Variants in OSBPL6 observed in about 807,000 individuals in gnomAD.
The protein encoded by OSBPL6 is oxysterol binding protein like 6, also known as oxysterol-binding protein-related protein 6.
In OSBPL6, 49 loss-of-function variants were observed where a neutral mutation model predicts 125.8. The observed-to-expected ratio is 0.39, with a 90% CI of 0.31 to 0.49. OSBPL6 has a LOEUF of 0.49. Among genes scored for constraint, OSBPL6 ranks in the 20% least tolerant of loss-of-function variants. The probability of loss-of-function intolerance (pLI) is 0.88; values close to 1 mark genes in which losing one functional copy is unlikely to be tolerated. For missense variants in OSBPL6, 986 were observed against 1,135.4 expected (o/e 0.87, Z 1.89); for synonymous variants, 394 against 391.8 (o/e 1.01, Z -0.07).
At chr2:178,380,955 G>T (rs1206524083) in intron 15 of OSBPL6, among the ~76,000 whole-genome samples, 2 of 152,190 alleles carry the variant, frequency 1.3e-5, no homozygotes, top group Non-Finnish European at 2.9e-5. Context: ...GAAATTGGAG[G>T]ATAATACTCA....
chr2:178,306,994 T>C (rs1333066018), intron 3 of OSBPL6, among the ~76,000 whole-genome samples: 1 of 152,218 alleles, frequency 6.6e-6, no homozygotes, highest in Non-Finnish European at 1.5e-5. Context: ...CTGAGCATGA[T>C]TATTTTCCAT....
Position 178,279,927 on chromosome 2 carries a change from C to T in OSBPL6, c.-350-5000C>T, listed in dbSNP as rs112085158. 9.2e-5 allele frequency among the ~76,000 whole-genome samples: 14 copies of T among 152,180 alleles called. 1 individual carries two copies. The highest frequency in any genetic ancestry group is 3.4e-4 in the African/African-American group (14 of 41,528). The stretch of plus-strand genomic sequence containing the variant: ...AATTAAAATGAGGTTGGGACAGGTG[C>T]GGTGGCTCACACCTGGAATCCCAGC... On this transcript the variant is annotated intron_variant, in intron 1 of 24. Coordinates refer to ENST00000190611, the MANE Select transcript of OSBPL6 (RefSeq NM_032523.4).
chr2:178,394,539 G>C, intron 24 of OSBPL6, 104 bp downstream of exon 24: 1 of 1,377,296 alleles, frequency 7.3e-7, no homozygotes, highest in Non-Finnish European at 9.9e-7. Flanking sequence ...ATGGATTTTG[G>C]TATCTTTGCT....
At chr2:178,335,380 A>G (rs1245078622) in intron 8 of OSBPL6, among the ~76,000 whole-genome samples, 2 of 152,154 alleles carry the variant, frequency 1.3e-5, no homozygotes, top group Admixed American at 1.3e-4. Context: ...TTAATGACAT[A>G]CCTCTAAGAT....
intron 19 of OSBPL6, 82 bp from the exon 20 acceptor site, chr2:178,386,979 G>A (rs1034536432): frequency 6.1e-6 from 5 of 820,568 alleles, no homozygotes; most frequent in Non-Finnish European, 9.7e-6. Context: ...GTTTCATAAA[G>A]TGTAATACAA....
chr2:178,203,242 C>T (rs1340499555), intron 1 of OSBPL6, among the ~76,000 whole-genome samples: 3 of 152,138 alleles, frequency 2.0e-5, no homozygotes, highest in African/African-American at 7.2e-5. Context: ...TGAGGTAAGA[C>T]TGTGTTGCCC....
rs1025855054 is a variant in OSBPL6 at position 178,401,137 on chromosome 2, G to A, written c.*5578G>A. ...TGGTGGTGGCGCTGAGGAAACCCTG[G>A]GAAGTGTTTTTCTCTTCTGTGTAAT... is the stretch of plus-strand genomic sequence containing the variant. On this transcript the variant is annotated 3_prime_UTR_variant, in exon 25 of 25. Coordinates refer to ENST00000190611, the MANE Select transcript of OSBPL6 (RefSeq NM_032523.4). 6.6e-6 allele frequency: 1 copy of A among 152,184 alleles called. No individual in the cohort carries two copies. The highest frequency in any genetic ancestry group is 1.5e-5 in the Non-Finnish European group (1 of 68,024). The allele number at this position is 152,184 out of a possible 1,614,324, so 9.4% of individuals were successfully genotyped here. A position where few individuals can be genotyped will look rare whatever the true frequency, so the allele number is the denominator to read the frequency against.
intron 1 of OSBPL6, chr2:178,230,404 C>T (rs1365998876): frequency 6.6e-6 from 1 of 152,172 alleles, no homozygotes; most frequent in Non-Finnish European, 1.5e-5. Flanking sequence ...TAGACCTTAA[C>T]CTTGATTTTA....
intron 1 of OSBPL6, among the ~76,000 whole-genome samples, chr2:178,260,423 G>T (rs2092022179): frequency 6.6e-6 from 1 of 152,128 alleles, no homozygotes; most frequent in Non-Finnish European, 1.5e-5. Context: ...GTATGTATGT[G>T]TCTGTCTTCT....
chr2:178,316,234 G>C (rs1269890840), intron 3 of OSBPL6, among the ~76,000 whole-genome samples: 1 of 152,128 alleles, frequency 6.6e-6, no homozygotes, highest in African/African-American at 2.4e-5. Flanking sequence ...AGCTTTTTTG[G>C]AGTGAAATTT....
chr2:178,252,008 C>T (rs975921247), intron 1 of OSBPL6, among the ~76,000 whole-genome samples: 5 of 152,154 alleles, frequency 3.3e-5, no homozygotes, highest in South Asian at 2.1e-4. Flanking sequence ...TACAGTTAGA[C>T]GTATGAGCTG....
At chr2:178,300,029 A>T (rs1021322155) in intron 2 of OSBPL6, among the ~76,000 whole-genome samples, 1 of 152,210 alleles carries the variant, frequency 6.6e-6, no homozygotes, top group Non-Finnish European at 1.5e-5. Context: ...ACTGTCAATA[A>T]CCCAAACACT....
intron 3 of OSBPL6, among the ~76,000 whole-genome samples, chr2:178,306,795 G>A (rs1480335336): frequency 6.6e-6 from 1 of 152,212 alleles, no homozygotes; most frequent in East Asian, 1.9e-4. Flanking sequence ...ACAGGCAACA[G>A]AGAAAGTAAA....
chr2:178,325,536 A>G (rs916217563), intron 4 of OSBPL6, among the ~76,000 whole-genome samples: 15 of 152,236 alleles, frequency 9.9e-5, no homozygotes, highest in Non-Finnish European at 2.2e-4. Context: ...GGTAAATATA[A>G]TATGACTAGT....
At chr2:178,324,052 T>A in intron 3 of OSBPL6, 125 bp from the exon 4 acceptor site, 1 of 538,196 alleles carries the variant, frequency 1.9e-6, no homozygotes, top group East Asian at 3.1e-5. Context: ...TTTGGTCTTT[T>A]CAGGAACTTG....
intron 1 of OSBPL6, among the ~76,000 whole-genome samples, chr2:178,249,806 A>T (rs1286405263): frequency 2.0e-5 from 3 of 150,204 alleles, no homozygotes; most frequent in Non-Finnish European, 4.4e-5. Flanking sequence ...AGTTGCTATT[A>T]TAAAATCCCT....
At chr2:178,347,761 A>T (rs1690862059) in intron 11 of OSBPL6, among the ~76,000 whole-genome samples, 1 of 152,132 alleles carries the variant, frequency 6.6e-6, no homozygotes, top group African/African-American at 2.4e-5. Context: ...ATTGATAAAC[A>T]AGCTGTTTAA....
In OSBPL6 at chr2:178,402,834, A is replaced by G. The variant is rs1696134962; in HGVS notation, c.*7275A>G. 1 of 152,212 alleles carries G rather than the reference A, an allele frequency of 6.6e-6. No homozygotes were observed. Among genetic ancestry groups the G allele is most frequent in the Admixed American group, 6.5e-5 (1 of 15,274 alleles). The allele number at this position is 152,212 out of a possible 1,614,324, so 9.4% of individuals were successfully genotyped here. On this transcript the variant is annotated 3_prime_UTR_variant, in exon 25 of 25. Transcript: ENST00000190611. ...ATTGTGCCTCTTCAATGAATGTTGT[A>G]TATGAGAATGTTACATTTGTAACAG... is the stretch of plus-strand genomic sequence containing the variant.
chr2:178,402,687 T>A lies in OSBPL6; in HGVS notation c.*7128T>A, dbSNP rs1696131858. ...GTCATTTTGAGATAGAAAAATTAAATTTTTTTAGGAAAAGAATTTCAAGCA... is the reference window on the plus strand; with the variant it reads ...GTCATTTTGAGATAGAAAAATTAAAATTTTTTAGGAAAAGAATTTCAAGCA... On this transcript the variant is annotated 3_prime_UTR_variant, in exon 25 of 25. Coordinates refer to ENST00000190611, the MANE Select transcript of OSBPL6 (RefSeq NM_032523.4). 6.6e-6 allele frequency: 1 copy of A among 152,184 alleles called. No individual in the cohort carries two copies. Among genetic ancestry groups the A allele is most frequent in the Admixed American group, 6.5e-5 (1 of 15,274 alleles). The allele number at this position is 152,184 out of a possible 1,614,324, so 9.4% of individuals were successfully genotyped here.
Sources: allele counts gnomAD v4.1 joint callset (sites outside exome capture counted in the v4.1 genomes callset), GRCh38; gene constraint gnomAD v4.1.1; transcripts MANE v1.5; gene names NCBI Gene and HGNC (gene_info 2026-07-23, HGNC 2026-07-21).